Variants in CTSO observed in about 807,000 individuals in gnomAD.
CTSO encodes the protein cathepsin O.
In CTSO, 40 loss-of-function variants were observed where a neutral mutation model predicts 42.4. That is an observed-to-expected ratio of 0.94 (90% CI 0.73 to 1.23). CTSO has a LOEUF of 1.23. Among genes scored for constraint, CTSO ranks in the 50% most tolerant of loss-of-function variants. CTSO has a pLI of 0.00. For missense variants in CTSO, 441 were observed against 396.0 expected, an observed-to-expected ratio of 1.11 and a Z score of -0.96; for synonymous variants, 156 against 146.2, an observed-to-expected ratio of 1.07 and a Z score of -0.48.
At chr4:155,937,623 T>TA in intron 4 of CTSO, 140 bp from the exon 5 acceptor site, 1 of 849,922 alleles carries the variant, frequency 1.2e-6, no homozygotes. Context: ...TTTTTTTCTT[T>TA]TTCTTTTTTG....
chr4:155,953,001 T>G (rs1012521914), intron 1 of CTSO, among the ~76,000 whole-genome samples: 1 of 151,972 alleles, frequency 6.6e-6, no homozygotes, highest in Admixed American at 6.6e-5. Context: ...TTATTTGTGC[T>G]CAGCTAACTG....
chr4:155,927,405 T>G (rs1036248802), intron 7 of CTSO, among the ~76,000 whole-genome samples: 27 of 152,222 alleles, frequency 1.8e-4, no homozygotes, highest in African/African-American at 6.5e-4. Context: ...AATATAGGTT[T>G]GAATATAGTT....
chr4:155,932,036 A>T (rs1343182812), intron 5 of CTSO, among the ~76,000 whole-genome samples: 1 of 151,948 alleles, frequency 6.6e-6, no homozygotes, highest in Admixed American at 6.6e-5. Flanking sequence ...GACTACTGTT[A>T]TATGTAGTAG....
intron 2 of CTSO, 62 bp downstream of exon 2, chr4:155,943,094 T>C (rs1743469861): frequency 1.1e-6 from 1 of 947,806 alleles, no homozygotes. Flanking sequence ...GAAATATTTA[T>C]CAAAAGTTAA....
rs1012115374 is a variant in CTSO, at chr4:155,925,011, G to A, written c.*1025C>T. ...AACTCACAGTTTGTTTGATACCCAG[G>A]GTTAAGAGATGGGACTTTGATAGGA... is the stretch of plus-strand genomic sequence containing the variant. On this transcript the variant is annotated 3_prime_UTR_variant, in exon 8 of 8. Coordinates refer to ENST00000433477, the MANE Select transcript of CTSO (RefSeq NM_001334.3). The A allele has an allele frequency of 6.6e-6, 1 of 152,150 alleles. No individual in the cohort carries two copies. Among genetic ancestry groups the A allele is most frequent in the African/African-American group, 2.4e-5 (1 of 41,392 alleles). 9.4% of individuals were successfully genotyped at this position (152,150 alleles called of 1,614,324 possible).
chr4:155,941,377 A>C lies in CTSO; in HGVS notation c.384+940T>G, dbSNP rs527466563. Among the ~76,000 whole-genome samples the C allele has an allele frequency of 5.3e-4, 80 of 152,288 alleles. 1 individual carries two copies. The highest frequency in any genetic ancestry group is 1.8e-3 in the African/African-American group (76 of 41,562). On this transcript the variant is annotated intron_variant, in intron 3 of 7. Coordinates refer to ENST00000433477, the MANE Select transcript of CTSO (RefSeq NM_001334.3). ...TCTGCCAGCTAGGTGGGTTCACTAC[A>C]TGCATTATAGGTCATACCCACCCAC...
chr4:155,928,265 G>T, intron 7 of CTSO, 71 bp downstream of exon 7: 3 of 1,129,876 alleles, frequency 2.7e-6, no homozygotes, highest in Non-Finnish European at 3.8e-6. Context: ...TGAGTAGATT[G>T]TAACTCTAAA....
intron 5 of CTSO, among the ~76,000 whole-genome samples, chr4:155,933,655 G>A (rs1743274654): frequency 6.6e-6 from 1 of 152,176 alleles, no homozygotes; most frequent in Admixed American, 6.5e-5. Flanking sequence ...TCCAGGCTGA[G>A]GTGGTTTCAG....
intron 5 of CTSO, among the ~76,000 whole-genome samples, chr4:155,930,645 G>A (rs1743219020): frequency 6.6e-6 from 1 of 152,164 alleles, no homozygotes; most frequent in South Asian, 2.1e-4. Flanking sequence ...GGGTGGATTA[G>A]TGGTAATAAT....
intron 1 of CTSO, among the ~76,000 whole-genome samples, chr4:155,943,538 C>A (rs1465790084): frequency 6.6e-6 from 1 of 152,064 alleles, no homozygotes; most frequent in African/African-American, 2.4e-5. Context: ...ATTCCATATA[C>A]AGCTGTTAAA....
chr4:155,934,051 T>C (rs964712780), intron 5 of CTSO, among the ~76,000 whole-genome samples: 3 of 152,192 alleles, frequency 2.0e-5, no homozygotes, highest in African/African-American at 7.2e-5. Context: ...GTCAGACACC[T>C]TCACGGCAGC....
At chr4:155,931,647 T>C (rs559560073) in intron 5 of CTSO, among the ~76,000 whole-genome samples, 3 of 152,250 alleles carry the variant, frequency 2.0e-5, no homozygotes, top group African/African-American at 7.2e-5. Flanking sequence ...ATTTCCATTA[T>C]TAACCCAATA....
chr4:155,942,411 G>T lies in CTSO; in HGVS notation c.290C>A (p.Ala97Glu), dbSNP rs1743456653. 1.9e-6 allele frequency: 3 copies of T among 1,581,326 alleles called. No homozygotes were observed. Among genetic ancestry groups the T allele is most frequent in the African/African-American group, 2.7e-5 (2 of 73,114 alleles). The change falls in exon 3 of 8, where the codon GCA (alanine) becomes GAA (glutamate). Residue 97 changes from alanine to glutamate, a missense_variant. Ala to Glu is a moderately radical substitution (Grantham distance 107). Transcript: ENST00000433477. ...SKPSKFPRYS[A>E]EVHMSIPNVS... ...ATTGGGGATGGACATATGTACTTCT[G>T]CTGAGTATCTGGGAAACTTGGAAGG...
intron 7 of CTSO, among the ~76,000 whole-genome samples, chr4:155,926,777 CA>C (rs1158972471): frequency 1.3e-5 from 2 of 152,138 alleles, no homozygotes; most frequent in Non-Finnish European, 2.9e-5. Context: ...AAATTATCTC[CA>C]CTCACCCTTA....
chr4:155,943,041 C>T (rs552071241), intron 2 of CTSO, 115 bp downstream of exon 2: 1 of 673,264 alleles, frequency 1.5e-6, no homozygotes, highest in African/African-American at 1.8e-5. Flanking sequence ...TTAGTAGACA[C>T]TTAATAAATG....
rs780795145 is a variant in CTSO, at chr4:155,928,337, A to G, written c.930T>C (p.Cys310=). 1 of 1,607,502 alleles carries G rather than the reference A, an allele frequency of 6.2e-7. No individual in the cohort carries two copies. The highest frequency in any genetic ancestry group is 2.2e-5 in the East Asian group (1 of 44,716). ...YAHVKMGSNV[C]GIADSVSSIF... ...TTTAAACACAAACTCATGACTTACCACAAACATTACTTCCCATTTTGACAT... is the reference window on the plus strand; with the variant it reads ...TTTAAACACAAACTCATGACTTACCGCAAACATTACTTCCCATTTTGACAT... The change falls in exon 7 of 8, where the codon TGT becomes TGC. Residue 310 remains cysteine (C), a splice_region_variant and synonymous_variant. Transcript: ENST00000433477.
chr4:155,948,962 A>G (rs1409247937), intron 1 of CTSO, among the ~76,000 whole-genome samples: 1 of 152,234 alleles, frequency 6.6e-6, no homozygotes, highest in African/African-American at 2.4e-5. Context: ...AGAGTAAATG[A>G]AATCATGTAT....
intron 5 of CTSO, among the ~76,000 whole-genome samples, chr4:155,930,428 C>A (rs1743214471): frequency 6.6e-6 from 1 of 152,158 alleles, no homozygotes; most frequent in South Asian, 2.1e-4. Context: ...GTGAAGACTG[C>A]AAAATACACA....
At chr4:155,942,286 T>C in intron 3 of CTSO, 31 bp downstream of exon 3, 1 of 1,531,802 alleles carries the variant, frequency 6.5e-7, no homozygotes, top group Non-Finnish European at 8.8e-7. Flanking sequence ...AATGCTTAGA[T>C]GATTAGAAAA....
Sources: allele counts gnomAD v4.1 joint callset (sites outside exome capture counted in the v4.1 genomes callset), GRCh38; gene constraint gnomAD v4.1.1; transcripts MANE v1.5; gene names NCBI Gene and HGNC (gene_info 2026-07-23, HGNC 2026-07-21).